NOS1AP: variants seen among roughly 807,000 people sequenced by gnomAD.
NOS1AP encodes the protein nitric oxide synthase 1 adaptor protein, also known as carboxyl-terminal PDZ ligand of neuronal nitric oxide synthase protein.
Under a neutral mutation model 56.2 loss-of-function variants are expected in NOS1AP, and 21 were observed. That is an observed-to-expected ratio of 0.37 (90% confidence interval 0.26 to 0.54). NOS1AP has a LOEUF of 0.54. Ranked by LOEUF, NOS1AP falls within the 20% of genes least tolerant of loss-of-function variation. The pLI is 0.84. For synonymous variants in NOS1AP, 270 were observed against 274.6 expected, an observed-to-expected ratio of 0.98 and a Z score of 0.17; for missense variants, 522 against 657.8, an observed-to-expected ratio of 0.79 and a Z score of 2.26.
At chr1:162,140,306 A>C (rs145615883) in intron 1 of NOS1AP, among the ~76,000 whole-genome samples, 17 of 152,100 alleles carry the variant, frequency 1.1e-4, no homozygotes, top group African/African-American at 2.7e-4. Context: ...GTCAATCTCT[A>C]TATATATTAT....
At chr1:162,210,639 C>T (rs1652321249) in intron 2 of NOS1AP, among the ~76,000 whole-genome samples, 1 of 152,160 alleles carries the variant, frequency 6.6e-6, no homozygotes, top group African/African-American at 2.4e-5. Context: ...ATTGGTGCCA[C>T]TTGTAATTAC....
At chr1:162,245,443 G>T (rs918680156) in intron 2 of NOS1AP, among the ~76,000 whole-genome samples, 1 of 152,184 alleles carries the variant, frequency 6.6e-6, no homozygotes, top group East Asian at 1.9e-4. Flanking sequence ...ATGCAAAATG[G>T]TACAGCCAGT....
Position 162,333,029 on chromosome 1 carries a change from C to G in NOS1AP, c.357C>G (p.Val119=). 1.2e-6 allele frequency: 2 copies of G among 1,612,490 alleles called. No homozygotes were observed. The highest frequency in any genetic ancestry group is 1.7e-6 in the Non-Finnish European group (2 of 1,178,504). The change falls in exon 5 of 10, where the codon GTC becomes GTG. Residue 119 remains valine, a synonymous_variant. Coordinates refer to ENST00000361897, the MANE Select transcript of NOS1AP (RefSeq NM_014697.3). ...MQDPIYRIFY[V]SHDSQDLKIF... The stretch of plus-strand genomic sequence containing the variant: ...GTTCTTCCTTTAGGATCTTCTATGT[C>G]TCTCATGATTCCCAAGACTTGAAGA...
At chr1:162,074,069 G>C (rs2102008906) in intron 1 of NOS1AP, among the ~76,000 whole-genome samples, 1 of 152,324 alleles carries the variant, frequency 6.6e-6, no homozygotes, top group South Asian at 2.1e-4. Context: ...ATCTGTAGGT[G>C]ATTTTTGATT....
At chr1:162,256,021 G>A (rs910988283) in intron 2 of NOS1AP, among the ~76,000 whole-genome samples, 1 of 152,250 alleles carries the variant, frequency 6.6e-6, no homozygotes, top group Non-Finnish European at 1.5e-5. Flanking sequence ...GCAGGTGCCT[G>A]TAATCCCAGC....
At chr1:162,142,747 T>C (rs1442208678) in intron 1 of NOS1AP, among the ~76,000 whole-genome samples, 1 of 152,202 alleles carries the variant, frequency 6.6e-6, no homozygotes, top group African/African-American at 2.4e-5. Context: ...GTAGTATTAA[T>C]AGTAGTCTGG....
chr1:162,227,589 C>G (rs969863623), intron 2 of NOS1AP, among the ~76,000 whole-genome samples: 1 of 152,060 alleles, frequency 6.6e-6, no homozygotes, highest in Non-Finnish European at 1.5e-5. Context: ...CTCCCATGGC[C>G]CAGGAAGGAA....
intron 1 of NOS1AP, among the ~76,000 whole-genome samples, chr1:162,087,148 A>G (rs1250855371): frequency 6.6e-6 from 1 of 152,166 alleles, no homozygotes; most frequent in Non-Finnish European, 1.5e-5. Context: ...TGAATTCAGC[A>G]AGAGTTTGGT....
chr1:162,177,856 C>T (rs993098985), intron 2 of NOS1AP, among the ~76,000 whole-genome samples: 8 of 152,150 alleles, frequency 5.3e-5, no homozygotes, highest in Middle Eastern at 3.2e-3. Flanking sequence ...CATTATCACT[C>T]AGAGTTCATA....
chr1:162,217,295 ACT>A (rs1652610125), intron 2 of NOS1AP, among the ~76,000 whole-genome samples: 1 of 7,494 alleles, frequency 1.3e-4, no homozygotes, highest in Non-Finnish European at 4.3e-4. Context: ...ATGAAGTCTC[ACT>A]CTATCGCCCA....
chr1:162,286,297 T>C (rs1273428507), intron 2 of NOS1AP, among the ~76,000 whole-genome samples: 1 of 152,120 alleles, frequency 6.6e-6, no homozygotes, highest in Non-Finnish European at 1.5e-5. Context: ...AGTGGCAACA[T>C]GGTAGGAGAA....
intron 2 of NOS1AP, chr1:162,157,308 C>G (rs1024505187): frequency 6.6e-6 from 1 of 152,434 alleles, no homozygotes; most frequent in Non-Finnish European, 1.5e-5. Flanking sequence ...TCTGGCTGTC[C>G]AGTCTCTTGT....
chr1:162,157,988 T>C (rs1650040769), intron 2 of NOS1AP, among the ~76,000 whole-genome samples: 1 of 152,258 alleles, frequency 6.6e-6, no homozygotes, highest in Non-Finnish European at 1.5e-5. Context: ...TCCTTTTTAA[T>C]GTGCTTTCAG....
At chr1:162,271,739 C>T (rs1654587936) in intron 2 of NOS1AP, among the ~76,000 whole-genome samples, 1 of 150,846 alleles carries the variant, frequency 6.6e-6, no homozygotes, top group East Asian at 2.0e-4. Flanking sequence ...ATACCATAGA[C>T]TGGGTGGATT....
At position 162,329,750 on chromosome 1, in the gene NOS1AP, C is replaced by T. The variant is rs535214588; in HGVS notation, c.345-3267C>T. On this transcript the variant is annotated intron_variant, in intron 4 of 9. Coordinates refer to ENST00000361897, the MANE Select transcript of NOS1AP (RefSeq NM_014697.3). ...TTTGGACCCAAGAGACATTAATTTG[C>T]GGATTTATTAGTTTGTTGATGAATG... Among the ~76,000 whole-genome samples, 18 of 152,188 alleles carry T rather than the reference C, an allele frequency of 1.2e-4. 1 individual carries two copies. The East Asian group carries it at 2.1e-3, about 18-fold the overall frequency.
At chr1:162,102,537 C>G (rs1163312283) in intron 1 of NOS1AP, among the ~76,000 whole-genome samples, 1 of 152,100 alleles carries the variant, frequency 6.6e-6, no homozygotes, top group African/African-American at 2.4e-5. Context: ...TTTCTTTGTA[C>G]TTCTGGTAGA....
At chr1:162,201,379 CT>C (rs2102166840) in intron 2 of NOS1AP, among the ~76,000 whole-genome samples, 1 of 152,216 alleles carries the variant, frequency 6.6e-6, no homozygotes, top group South Asian at 2.1e-4. Flanking sequence ...GATTCCATGT[CT>C]TTGCTATTAT....
At chr1:162,364,709 C>T (rs953126247) in intron 8 of NOS1AP, 2 of 985,508 alleles carry the variant, frequency 2.0e-6, no homozygotes, top group Admixed American at 6.1e-5. Flanking sequence ...ACCAGGTGGT[C>T]CTGGTAATAT....
Position 162,355,294 on chromosome 1 carries a change from C to A in NOS1AP, c.703C>A (p.Arg235=). ...AGGGAATGATGTCCTGGAATTCAGC[C>A]GAGGTGTGACTGATCTAGATGCTGT... is the stretch of plus-strand genomic sequence containing the variant. ...LPGNDVLEFS[R]GVTDLDAVGK... Residue 235 remains arginine (R), a synonymous_variant, in exon 7 of 10, where the codon CGA becomes AGA. Coordinates refer to ENST00000361897, the MANE Select transcript of NOS1AP (RefSeq NM_014697.3). 6.2e-7 allele frequency: 1 copy of A among 1,613,996 alleles called. No homozygotes were observed. Among genetic ancestry groups the A allele is most frequent in the Non-Finnish European group, 8.5e-7 (1 of 1,179,994 alleles).
Sources: allele counts gnomAD v4.1 joint callset (sites outside exome capture counted in the v4.1 genomes callset), GRCh38; gene constraint gnomAD v4.1.1; transcripts MANE v1.5; gene names NCBI Gene and HGNC (gene_info 2026-07-23, HGNC 2026-07-21).